The following RCN2 variants were observed in gnomAD, a reference collection of about 807,000 sequenced individuals.
RCN2 encodes the protein reticulocalbin-2.
In RCN2, 23 loss-of-function variants were observed where a neutral mutation model predicts 37.5. The observed-to-expected ratio is 0.61, with a 90% confidence interval of 0.44 to 0.87. The LOEUF is 0.87. Among genes scored for constraint, RCN2 ranks in the 40% least tolerant of loss-of-function variants. The probability of loss-of-function intolerance (pLI) is 0.00; values close to 1 mark genes in which losing one functional copy is unlikely to be tolerated. For synonymous variants in RCN2, 140 were observed against 144.6 expected (o/e 0.97, Z 0.23); for missense variants, 381 against 390.4 (o/e 0.98, Z 0.20).
intron 4 of RCN2, among the ~76,000 whole-genome samples, chr15:76,946,809 A>G (rs2075298490): frequency 6.6e-6 from 1 of 152,164 alleles, no homozygotes; most frequent in African/African-American, 2.4e-5. Flanking sequence ...TGGCCATTGA[A>G]CAGGTCATCT....
At chr15:76,933,477 C>A (rs1009569130) in intron 2 of RCN2, among the ~76,000 whole-genome samples, 1 of 152,154 alleles carries the variant, frequency 6.6e-6, no homozygotes, top group Non-Finnish European at 1.5e-5. Context: ...AAGAATAAGT[C>A]AATCTTTGGT....
At position 76,948,419 on chromosome 15, in the gene RCN2, A is replaced by G; in HGVS notation, c.668A>G (p.Glu223Gly). The change falls in exon 6 of 7, where the codon GAA (glutamate) becomes GGA (glycine). Residue 223 changes from glutamate (E) to glycine (G), a missense_variant. Physicochemically the swap from Glu to Gly is moderately conservative, Grantham distance 98. Transcript: ENST00000394885. Reference sequence around the variant, plus strand: ...GTTTTTTTATATTAAGCTGCAAATGAAGATCCAGAATGGATACTTGTTGAG... The same window carrying G: ...GTTTTTTTATATTAAGCTGCAAATGGAGATCCAGAATGGATACTTGTTGAG... Reference protein sequence around the residue: ...GDYRWDPTANEDPEWILVEKD... With the variant: ...GDYRWDPTANGDPEWILVEKD... 1 of 1,592,272 alleles carries G rather than the reference A, an allele frequency of 6.3e-7. No individual in the cohort carries two copies. The highest frequency in any genetic ancestry group is 8.6e-7 in the Non-Finnish European group (1 of 1,167,586).
chr15:76,938,590 C>G, intron 3 of RCN2: 1 of 389,492 alleles, frequency 2.6e-6, no homozygotes, highest in South Asian at 1.8e-5. Flanking sequence ...AAACTCTGTA[C>G]CTGTTAAACA....
Position 76,948,564 on chromosome 15 carries a change from A to G in RCN2, c.801+12A>G. 6.5e-7 allele frequency: 1 copy of G among 1,532,046 alleles called. No individual in the cohort carries two copies. Among genetic ancestry groups the G allele is most frequent in the Non-Finnish European group, 8.8e-7 (1 of 1,133,662 alleles). The allele number at this position is 1,532,046 out of a possible 1,614,324, so 94.9% of individuals were successfully genotyped here. ...TTGCACAAGAGGAGGTAAGTGTTAC[A>G]GAACAACTGTTTCTCTCCACCCCCT... On this transcript the variant is annotated intron_variant, in intron 6 of 6. Coordinates refer to ENST00000394885, the MANE Select transcript of RCN2 (RefSeq NM_002902.3).
At chr15:76,948,160 A>G (rs953549380) in intron 5 of RCN2, 1 of 315,610 alleles carries the variant, frequency 3.2e-6, no homozygotes, top group Non-Finnish European at 5.8e-6. Context: ...AACAAATAGC[A>G]GTTAACAAAA....
chr15:76,947,716 C>A (rs1250949885), intron 5 of RCN2, 199 bp downstream of exon 5: 2 of 478,634 alleles, frequency 4.2e-6, no homozygotes, highest in Non-Finnish European at 7.3e-6. Flanking sequence ...CTTACTTTTA[C>A]TTCCGTGTCT....
Position 76,950,552 on chromosome 15 carries a change from C to G in RCN2, c.*1330C>G, listed in dbSNP as rs921900813. Reference sequence around the variant, plus strand: ...TACAGGCGCCTGCCACCACACCCGGCTAATTTTTTTGTATTTTTAGTAGAG... The same window carrying G: ...TACAGGCGCCTGCCACCACACCCGGGTAATTTTTTTGTATTTTTAGTAGAG... On this transcript the variant is annotated 3_prime_UTR_variant, in exon 7 of 7. Coordinates refer to ENST00000394885, the MANE Select transcript of RCN2 (RefSeq NM_002902.3). The G allele has an allele frequency of 6.6e-6, 1 of 152,070 alleles. No individual in the cohort carries two copies. The highest frequency in any genetic ancestry group is 2.4e-5 in the African/African-American group (1 of 41,384). The allele number at this position is 152,070 out of a possible 1,614,324, so 9.4% of individuals were successfully genotyped here.
At chr15:76,932,079 C>T (rs533780439) in intron 1 of RCN2, 94 bp downstream of exon 1, 76 of 1,179,832 alleles carry the variant, frequency 6.4e-5, no homozygotes, top group Middle Eastern at 3.2e-4. Context: ...CCGGGCGAGG[C>T]CTGGCAGGGG....
chr15:76,941,576 A>C, intron 3 of RCN2: 1 of 950,210 alleles, frequency 1.1e-6, no homozygotes. Context: ...TTTTATATAC[A>C]AGAAAAAAAA....
intron 2 of RCN2, 66 bp from the exon 3 acceptor site, chr15:76,935,460 G>T: frequency 1.5e-6 from 2 of 1,313,814 alleles, no homozygotes; most frequent in Non-Finnish European, 2.1e-6. Context: ...GAGAAGGTTT[G>T]GAAATCCTTA....
At chr15:76,948,124 T>A (rs2075303843) in intron 5 of RCN2, 1 of 239,808 alleles carries the variant, frequency 4.2e-6, no homozygotes, top group Admixed American at 5.2e-5. Flanking sequence ...ATTACCCACC[T>A]CACATCTGGG....
chr15:76,931,755 G>A lies in RCN2; in HGVS notation c.-87G>A. On this transcript the variant is annotated 5_prime_UTR_variant, in exon 1 of 7. Coordinates refer to ENST00000394885, the MANE Select transcript of RCN2 (RefSeq NM_002902.3). ...TCAACGTACGTCGCACCGCCTCTCTGTAGCCGCCCGCGGAGCATCGCAGCC... is the reference window on the plus strand; with the variant it reads ...TCAACGTACGTCGCACCGCCTCTCTATAGCCGCCCGCGGAGCATCGCAGCC... The A allele has an allele frequency of 9.3e-7, 1 of 1,072,528 alleles. No individual in the cohort carries two copies. The allele number at this position is 1,072,528 out of a possible 1,614,324, so 66.4% of individuals were successfully genotyped here.
intron 3 of RCN2, among the ~76,000 whole-genome samples, chr15:76,939,995 A>G (rs1419153098): frequency 6.6e-6 from 1 of 152,212 alleles, no homozygotes; most frequent in East Asian, 1.9e-4. Context: ...CCAGCTACTT[A>G]GAATGTGTTG....
rs1287372197 is a variant in RCN2, at chr15:76,951,951, C to T, written c.*2729C>T. On this transcript the variant is annotated 3_prime_UTR_variant, in exon 7 of 7. Coordinates refer to ENST00000394885, the MANE Select transcript of RCN2 (RefSeq NM_002902.3). ...ATTATGATATAAATTTAAAGGAAGC[C>T]AGGACGTTCAGAGGAAAAGCTAGCA... 6.6e-6 allele frequency: 1 copy of T among 151,596 alleles called. No individual in the cohort carries two copies. The highest frequency in any genetic ancestry group is 1.5e-5 in the Non-Finnish European group (1 of 67,982). The allele number at this position is 151,596 out of a possible 1,614,324, so 9.4% of individuals were successfully genotyped here.
In RCN2 at chr15:76,953,646, C is replaced by T. The variant is rs369963687; in HGVS notation, c.*4424C>T. The T allele has an allele frequency of 5.4e-5, 6 of 110,376 alleles. No homozygotes were observed. The highest frequency in any genetic ancestry group is 1.1e-4 in the African/African-American group (3 of 28,516). The allele number at this position is 110,376 out of a possible 1,614,324, so 6.8% of individuals were successfully genotyped here. A position where few individuals can be genotyped will look rare whatever the true frequency, so the allele number is the denominator to read the frequency against. Reference sequence around the variant, plus strand: ...TTTTTGAGACGGAGTCTCGCTCTGTCGCCCAGGCTGGAGTGCAGTGGCGCG... The same window carrying T: ...TTTTTGAGACGGAGTCTCGCTCTGTTGCCCAGGCTGGAGTGCAGTGGCGCG... On this transcript the variant is annotated 3_prime_UTR_variant, in exon 7 of 7. Transcript: ENST00000394885.
intron 4 of RCN2, among the ~76,000 whole-genome samples, chr15:76,946,370 T>C (rs891795627): frequency 4.6e-5 from 7 of 151,680 alleles, no homozygotes; most frequent in Admixed American, 4.6e-4. Flanking sequence ...ATCACTTGAG[T>C]CCAGTAGTTG....
rs977254079 is a variant in RCN2 at position 76,949,375 on chromosome 15, GA to G, written c.*162del. ...GTAGATTATAATTTTGGTCTTTTAG[GA>G]AAAAAAAACAAAAATCTGATATTTA... On this transcript the variant is annotated 3_prime_UTR_variant, in exon 7 of 7. Coordinates refer to ENST00000394885, the MANE Select transcript of RCN2 (RefSeq NM_002902.3). The G allele has an allele frequency of 1.1e-4, 53 of 490,502 alleles. No homozygotes were observed. Among genetic ancestry groups the G allele is most frequent in the Middle Eastern group, 1.2e-3 (2 of 1,692 alleles). The allele number at this position is 490,502 out of a possible 1,614,324, so 30.4% of individuals were successfully genotyped here.
chr15:76,935,523 T>C lies in RCN2; in HGVS notation c.251-3T>C, dbSNP rs1596002263. On this transcript the variant is annotated splice_polypyrimidine_tract_variant and splice_region_variant and intron_variant, in intron 2 of 6. Transcript: ENST00000394885. ...TGCGTTGTGTTCTGGGAAATTCTCA[T>C]AGGTGAACTCAGTTCATGGATTCAG... 5.6e-6 allele frequency: 9 copies of C among 1,607,058 alleles called. No individual in the cohort carries two copies. Among genetic ancestry groups the C allele is most frequent in the Non-Finnish European group, 7.7e-6 (9 of 1,176,364 alleles).
rs367601270 is a variant in RCN2 at position 76,948,596 on chromosome 15, G to A, written c.801+44G>A. The A allele has an allele frequency of 1.2e-4, 176 of 1,467,282 alleles. No individual in the cohort carries two copies. In the African/African-American group the frequency reaches 1.5e-3, roughly 13 times the overall value. The allele number at this position is 1,467,282 out of a possible 1,614,324, so 90.9% of individuals were successfully genotyped here. A position where few individuals can be genotyped will look rare whatever the true frequency, so the allele number is the denominator to read the frequency against. ...CTGTTTCTCTCCACCCCCTCCCCCC[G>A]AATTTGGTGCTGTTGATAGGAAAAG... On this transcript the variant is annotated intron_variant, in intron 6 of 6. Coordinates refer to ENST00000394885, the MANE Select transcript of RCN2 (RefSeq NM_002902.3).
Sources: gnomAD v4.1 joint callset for allele counts (sites outside exome capture counted in the v4.1 genomes callset) on GRCh38, gnomAD v4.1.1 for gene constraint, MANE v1.5 for transcripts, NCBI Gene and HGNC (gene_info 2026-07-23, HGNC 2026-07-21) for gene names.